SPPL3: variants seen among roughly 807,000 people sequenced by gnomAD.
The protein encoded by SPPL3 is signal peptide peptidase-like 3.
Under a neutral mutation model 42.4 loss-of-function variants are expected in SPPL3, and 5 were observed. That is an observed-to-expected ratio of 0.12 (90% CI 0.06 to 0.25). SPPL3 has a LOEUF of 0.25. Ranked by LOEUF, SPPL3 falls within the 10% of genes least tolerant of loss-of-function variation. The pLI is 1.00. For missense variants in SPPL3, 235 were observed against 489.0 expected (o/e 0.48, Z 4.90); for synonymous variants, 195 against 181.8 (o/e 1.07, Z -0.58).
Position 120,790,363 on chromosome 12 carries a change from G to A in SPPL3, c.190+1106C>T, listed in dbSNP as rs141838568. 2.5e-3 allele frequency among the ~76,000 whole-genome samples: 378 copies of A among 152,296 alleles called. 2 individuals carry two copies. The highest frequency in any genetic ancestry group is 8.5e-3 in the African/African-American group (352 of 41,558). ...GGGCAAATACAACTAGGTTGACAGC[G>A]TGCTATAATAACTGGAGAAACTAAG... On this transcript the variant is annotated intron_variant, in intron 3 of 10. Coordinates refer to ENST00000353487, the MANE Select transcript of SPPL3 (RefSeq NM_139015.5).
intron 2 of SPPL3, among the ~76,000 whole-genome samples, chr12:120,809,242 G>C (rs1357254771): frequency 6.6e-6 from 1 of 152,162 alleles, no homozygotes; most frequent in African/African-American, 2.4e-5. Context: ...CTATTCAGGA[G>C]GCCGAGACAG....
intron 1 of SPPL3, among the ~76,000 whole-genome samples, chr12:120,817,173 T>C (rs1870911571): frequency 6.6e-6 from 1 of 150,880 alleles, no homozygotes; most frequent in Admixed American, 6.6e-5. Flanking sequence ...GGCGCGCCTG[T>C]AGTTCCAGCT....
chr12:120,835,168 C>T (rs1306596803), intron 1 of SPPL3, among the ~76,000 whole-genome samples: 4 of 152,104 alleles, frequency 2.6e-5, no homozygotes, highest in Admixed American at 1.3e-4. Context: ...ACAATATGCT[C>T]CACAGATCGA....
chr12:120,767,480 G>A lies in SPPL3; in HGVS notation c.887C>T (p.Ser296Phe), dbSNP rs757382488. Residue 296 changes from serine (S) to phenylalanine (F), a missense_variant, in exon 9 of 11, where the codon TCC becomes TTC. By Grantham distance (155) the Ser-to-Phe change is radical. Transcript: ENST00000353487. ...DNYKKQASGD[S>F]CGAPGPANIS... ...GTTGGCAGGTCCAGGGGCCCCACAG[G>A]AGTCCCCACTGGCTTGCTTTTTGTA... 3.1e-6 allele frequency: 5 copies of A among 1,614,068 alleles called. No individual in the cohort carries two copies. Among genetic ancestry groups the A allele is most frequent in the Admixed American group, 1.7e-5 (1 of 60,000 alleles).
chr12:120,869,251 C>CT (rs1872851925), intron 1 of SPPL3, among the ~76,000 whole-genome samples: 1 of 152,132 alleles, frequency 6.6e-6, no homozygotes, highest in South Asian at 2.1e-4. Flanking sequence ...AGGAGTACTG[C>CT]TGTAGGTGAT....
chr12:120,894,717 G>A (rs1229217168), intron 1 of SPPL3, among the ~76,000 whole-genome samples: 1 of 152,080 alleles, frequency 6.6e-6, no homozygotes, highest in Non-Finnish European at 1.5e-5. Context: ...AGGCCGAGGC[G>A]GGTGGATCAC....
intron 1 of SPPL3, among the ~76,000 whole-genome samples, chr12:120,874,476 A>G (rs966981043): frequency 1.3e-5 from 2 of 151,868 alleles, no homozygotes; most frequent in African/African-American, 4.8e-5. Context: ...AAAAAGAATA[A>G]AAGAAATAAG....
chr12:120,772,966 G>T (rs1869177776), intron 6 of SPPL3, among the ~76,000 whole-genome samples: 2 of 152,124 alleles, frequency 1.3e-5, no homozygotes, highest in South Asian at 4.1e-4. Flanking sequence ...TTATACTAAG[G>T]TCTCCTTTAA....
chr12:120,880,899 A>T (rs1873258548), intron 1 of SPPL3, among the ~76,000 whole-genome samples: 1 of 151,942 alleles, frequency 6.6e-6, no homozygotes, highest in African/African-American at 2.4e-5. Flanking sequence ...AAAAATGGAC[A>T]AAGGACGTGA....
At chr12:120,805,299 T>C (rs933593603) in intron 2 of SPPL3, among the ~76,000 whole-genome samples, 2 of 152,192 alleles carry the variant, frequency 1.3e-5, no homozygotes, top group Non-Finnish European at 2.9e-5. Flanking sequence ...ATCAACTCAA[T>C]AGAAGCATAA....
At chr12:120,805,721 T>C (rs1054867698) in intron 2 of SPPL3, among the ~76,000 whole-genome samples, 35 of 152,194 alleles carry the variant, frequency 2.3e-4, no homozygotes, top group African/African-American at 8.4e-4. Flanking sequence ...TACTTAGCAA[T>C]GAACAATCCA....
intron 1 of SPPL3, among the ~76,000 whole-genome samples, chr12:120,865,125 GCTAAT>G (rs1166296327): frequency 1.3e-5 from 2 of 152,200 alleles, no homozygotes; most frequent in Non-Finnish European, 2.9e-5. Context: ...TTTGAGAAGT[GCTAAT>G]CTAGAGAAAC....
At chr12:120,874,837 C>T (rs908804534) in intron 1 of SPPL3, among the ~76,000 whole-genome samples, 2 of 152,010 alleles carry the variant, frequency 1.3e-5, no homozygotes, top group African/African-American at 4.8e-5. Flanking sequence ...GACAAACCTC[C>T]GTAACTGCCT....
intron 9 of SPPL3, among the ~76,000 whole-genome samples, 186 bp downstream of exon 9, chr12:120,767,208 G>T (rs1037605097): frequency 6.6e-6 from 1 of 152,194 alleles, no homozygotes; most frequent in African/African-American, 2.4e-5. Context: ...ATACACAGCT[G>T]GAGAGGGAAC....
chr12:120,800,555 T>G (rs1221958287), intron 2 of SPPL3, among the ~76,000 whole-genome samples: 1 of 151,984 alleles, frequency 6.6e-6, no homozygotes, highest in Non-Finnish European at 1.5e-5. Context: ...GTTTAAATGA[T>G]CAACAGAAGG....
At chr12:120,817,250 G>A (rs538974825) in intron 1 of SPPL3, among the ~76,000 whole-genome samples, 122 of 152,246 alleles carry the variant, frequency 8.0e-4, no homozygotes, top group African/African-American at 2.8e-3. Flanking sequence ...AGCCATGATC[G>A]TGCCACTGCA....
At chr12:120,882,241 C>T (rs1372921376) in intron 1 of SPPL3, among the ~76,000 whole-genome samples, 4 of 151,924 alleles carry the variant, frequency 2.6e-5, no homozygotes, top group Non-Finnish European at 5.9e-5. Flanking sequence ...GTACTATCGG[C>T]AGTTTCAAGG....
intron 1 of SPPL3, among the ~76,000 whole-genome samples, chr12:120,820,306 A>ATTTTTTTTTTTTTTTTTTTTT (rs11374486): frequency 3.0e-5 from 3 of 100,998 alleles, no homozygotes; most frequent in Non-Finnish European, 5.6e-5. Flanking sequence ...CTTTCTCTAA[A>ATTTTTTTTTTTTTTTTTTTTT]TTTTTTTTTT....
At position 120,777,783 on chromosome 12, in the gene SPPL3, T is replaced by C. The variant is rs1046597032; in HGVS notation, c.502+4872A>G. Among the ~76,000 whole-genome samples the C allele has an allele frequency of 5.9e-5, 9 of 152,356 alleles. No homozygotes were observed. The South Asian group carries it at 1.2e-3, about 21-fold the overall frequency. Reference sequence around the variant, plus strand: ...CTGCTTATATGCATAGTGGGTTCTCTAGTACTGAAGCAAACAATCACAGCA... The same window carrying C: ...CTGCTTATATGCATAGTGGGTTCTCCAGTACTGAAGCAAACAATCACAGCA... On this transcript the variant is annotated intron_variant, in intron 6 of 10. Transcript: ENST00000353487.
Sources: allele counts gnomAD v4.1 joint callset (sites outside exome capture counted in the v4.1 genomes callset), GRCh38; gene constraint gnomAD v4.1.1; transcripts MANE v1.5; gene names NCBI Gene and HGNC (gene_info 2026-07-23, HGNC 2026-07-21).